TUSC3: variants seen among roughly 807,000 people sequenced by gnomAD.
TUSC3 encodes the protein tumor suppressor candidate 3.
Under a neutral mutation model 44.8 loss-of-function variants are expected in TUSC3, and 45 were observed. That is an observed-to-expected ratio of 1.00 (90% CI 0.79 to 1.29). The LOEUF (loss-of-function observed/expected upper bound fraction) is 1.29. TUSC3 is among the 50% of genes most tolerant of loss of function. The pLI is 0.00. For synonymous variants in TUSC3, 212 were observed against 152.9 expected (o/e 1.39, Z -2.85); for missense variants, 519 against 437.9 (o/e 1.19, Z -1.65).
chr8:15,757,030 G>T (rs768688494), intron 9 of TUSC3, among the ~76,000 whole-genome samples: 3 of 152,104 alleles, frequency 2.0e-5, no homozygotes, highest in Non-Finnish European at 4.4e-5. Context: ...CAGCTACTGG[G>T]GAAGCTGAGG....
intron 1 of TUSC3, among the ~76,000 whole-genome samples, chr8:15,622,851 T>A (rs976167029): frequency 6.6e-6 from 1 of 152,060 alleles, no homozygotes; most frequent in South Asian, 2.1e-4. Context: ...CTTGGATTGC[T>A]GACTTCTCTA....
In TUSC3 at chr8:15,471,619, A is replaced by ATT. The variant is rs35294089; in HGVS notation, n.92-11753_92-11752dup. 1.3e-3 allele frequency among the ~76,000 whole-genome samples: 180 copies of ATT among 142,782 alleles called. No individual in the cohort carries two copies. In the East Asian group the frequency reaches 0.019, roughly 15 times the overall value. The allele number at this position is 142,782 out of a possible 152,430, so 93.7% of individuals were successfully genotyped here. A position where few individuals can be genotyped will look rare whatever the true frequency, so the allele number is the denominator to read the frequency against. ...TAACGGAAATTTCTTTCCAGTTCTG[A>ATT]TTTTTTTTTTTTTTTGAGATGGAGT... On this transcript the variant is annotated intron_variant and non_coding_transcript_variant, in intron 1 of 5. Coordinates refer to the TUSC3 transcript ENST00000503191.
chr8:15,429,216 T>C (rs113502381), intron 1 of TUSC3, among the ~76,000 whole-genome samples: 1 of 152,232 alleles, frequency 6.6e-6, no homozygotes, highest in African/African-American at 2.4e-5. Context: ...GCACCATTTA[T>C]TAAATAGGGA....
intron 6 of TUSC3, among the ~76,000 whole-genome samples, chr8:15,691,514 G>A (rs1808900360): frequency 6.6e-6 from 1 of 152,052 alleles, no homozygotes; most frequent in Admixed American, 6.5e-5. Flanking sequence ...TTCTCTTGCT[G>A]GATTTCTCTG....
intron 6 of TUSC3, among the ~76,000 whole-genome samples, chr8:15,695,009 T>G (rs905806789): frequency 3.9e-5 from 6 of 152,194 alleles, no homozygotes; most frequent in Admixed American, 1.3e-4. Context: ...ATTGCCGGTG[T>G]CATAGCAGGG....
At chr8:15,768,378 G>C (rs182954674), downstream of TUSC3, among the ~76,000 whole-genome samples, 1 of 152,142 alleles carries the variant, frequency 6.6e-6, no homozygotes, top group East Asian at 1.9e-4. Context: ...ATAATGTTCA[G>C]GCTATCCACT....
chr8:15,443,336 T>TTG (rs57905950), intron 1 of TUSC3, among the ~76,000 whole-genome samples: 8,080 of 132,838 alleles, frequency 0.061, 318 homozygotes, highest in East Asian at 0.15. Context: ...ACCCACCTAA[T>TTG]TGTGTGTGTG....
intron 1 of TUSC3, among the ~76,000 whole-genome samples, chr8:15,562,996 C>CA (rs147108267): frequency 0.19 from 29,540 of 151,902 alleles, 2,884 homozygotes; most frequent in South Asian, 0.24. Context: ...TGTCCATGCC[C>CA]AGGGGAGGCA....
chr8:15,462,967 T>C (rs975523556), intron 1 of TUSC3, among the ~76,000 whole-genome samples: 1 of 152,114 alleles, frequency 6.6e-6, no homozygotes, highest in Non-Finnish European at 1.5e-5. Flanking sequence ...AAAAAGAATG[T>C]ATTTGGGCAA....
At chr8:15,619,563 C>A (rs1805149563) in intron 1 of TUSC3, among the ~76,000 whole-genome samples, 1 of 151,980 alleles carries the variant, frequency 6.6e-6, no homozygotes, top group African/African-American at 2.4e-5. Flanking sequence ...ACGATCTCGG[C>A]TTACTGCAAG....
At chr8:15,662,770 C>T (rs1009299372) in intron 5 of TUSC3, among the ~76,000 whole-genome samples, 4 of 151,852 alleles carry the variant, frequency 2.6e-5, no homozygotes, top group African/African-American at 7.3e-5. Flanking sequence ...ACAGAGTAAT[C>T]AACAAATGGA....
chr8:15,465,232 T>C lies in TUSC3; in HGVS notation n.92-18154T>C, dbSNP rs79600162. ...TGTATCATTATTTTGTGTAACTCTC[T>C]AAAAGCAAAAATGCCCAACATGGGA... On this transcript the variant is annotated intron_variant and non_coding_transcript_variant, in intron 1 of 5. Coordinates refer to the TUSC3 transcript ENST00000503191. Among the ~76,000 whole-genome samples, 18 of 152,264 alleles carry C rather than the reference T, an allele frequency of 1.2e-4. No homozygotes were observed. The East Asian group carries it at 3.5e-3, about 29-fold the overall frequency.
chr8:15,477,874 G>C (rs908094990), intron 1 of TUSC3, among the ~76,000 whole-genome samples: 7 of 151,780 alleles, frequency 4.6e-5, no homozygotes, highest in Non-Finnish European at 1.0e-4. Context: ...CCTCTTTCTT[G>C]ACTATTTTCC....
In TUSC3 at chr8:15,543,740, G is replaced by GTTT. The variant is rs533344536; in HGVS notation, c.138+3182_138+3184dup. On this transcript the variant is annotated intron_variant, in intron 1 of 10. Coordinates refer to ENST00000503731, the MANE Select transcript of TUSC3 (RefSeq NM_006765.4). Reference sequence around the variant, plus strand: ...AATGCGGTAAGATTTTTTTGAATTGGTTTTTTTTTTTTGCTAAAGAAACTA... The same window carrying GTTT: ...AATGCGGTAAGATTTTTTTGAATTGGTTTTTTTTTTTTTTTGCTAAAGAAACTA... 3.2e-3 allele frequency among the ~76,000 whole-genome samples: 456 copies of GTTT among 144,082 alleles called. 4 individuals carry two copies. The East Asian group carries it at 0.034, about 11-fold the overall frequency. The allele number at this position is 144,082 out of a possible 152,430, so 94.5% of individuals were successfully genotyped here.
intron 1 of TUSC3, among the ~76,000 whole-genome samples, chr8:15,449,429 C>G (rs1448795609): frequency 6.6e-6 from 1 of 152,108 alleles, no homozygotes; most frequent in Non-Finnish European, 1.5e-5. Context: ...ATAGAGTGGT[C>G]AGAACCACCC....
At chr8:15,778,906 CCTT>C in the TUSC3 span, among the ~76,000 whole-genome samples, 2 of 152,056 alleles carry the variant, frequency 1.3e-5, no homozygotes, top group Non-Finnish European at 2.9e-5. Context: ...AGTTTTCTGT[CCTT>C]CTGAGTTTAC....
At chr8:15,825,227 TG>T in the TUSC3 span, among the ~76,000 whole-genome samples, 5 of 152,126 alleles carry the variant, frequency 3.3e-5, no homozygotes, top group South Asian at 4.1e-4. Context: ...TTAGTTCTCA[TG>T]CTGCTGATAA....
At chr8:15,653,784 A>G (rs1486556801) in intron 3 of TUSC3, among the ~76,000 whole-genome samples, 2 of 152,158 alleles carry the variant, frequency 1.3e-5, no homozygotes, top group Admixed American at 6.5e-5. Context: ...TTATTTTTTA[A>G]CTGACTATTA....
At chr8:15,822,857 G>GCA in the TUSC3 span, among the ~76,000 whole-genome samples, 1 of 152,018 alleles carries the variant, frequency 6.6e-6, no homozygotes, top group South Asian at 2.1e-4. Context: ...AGTGACCTTC[G>GCA]CAGTATCAGT....
Sources: allele counts gnomAD v4.1 joint callset (sites outside exome capture counted in the v4.1 genomes callset), GRCh38; gene constraint gnomAD v4.1.1; transcripts MANE v1.5; gene names NCBI Gene and HGNC (gene_info 2026-07-23, HGNC 2026-07-21).